Variants in ESR1 observed in about 807,000 individuals in gnomAD.
ESR1 encodes estrogen receptor.
Under a neutral mutation model 52.7 loss-of-function variants are expected in ESR1, and 12 were observed. The ratio of observed to expected loss-of-function variants is 0.23; its 90% CI spans 0.15 to 0.37. The LOEUF is 0.37. Among genes scored for constraint, ESR1 ranks in the 10% least tolerant of loss-of-function variants. The pLI is 1.00. For missense variants in ESR1, 584 were observed against 779.7 expected, an observed-to-expected ratio of 0.75 and a Z score of 2.99; for synonymous variants, 305 against 316.8, an observed-to-expected ratio of 0.96 and a Z score of 0.39.
At chr6:151,907,233 A>G (rs1463813291) in intron 3 of ESR1, among the ~76,000 whole-genome samples, 1 of 152,088 alleles carries the variant, frequency 6.6e-6, no homozygotes, top group Admixed American at 6.5e-5. Flanking sequence ...TTGCTTTCAA[A>G]TGAGTTTTTA....
At chr6:151,964,646 C>T (rs1562604514) in intron 4 of ESR1, among the ~76,000 whole-genome samples, 1 of 143,250 alleles carries the variant, frequency 7.0e-6, no homozygotes. Context: ...TATTTTCTTT[C>T]TTTTTTTTTT....
At chr6:152,119,961 A>G (rs1239183994) in intron 6 of ESR1, among the ~76,000 whole-genome samples, 1 of 152,164 alleles carries the variant, frequency 6.6e-6, no homozygotes, top group Non-Finnish European at 1.5e-5. Context: ...ATCTTCAAAA[A>G]TGTAATGGAA....
chr6:151,743,532 C>T (rs1322032718), intron 2 of ESR1, among the ~76,000 whole-genome samples: 1 of 152,156 alleles, frequency 6.6e-6, no homozygotes, highest in Non-Finnish European at 1.5e-5. Flanking sequence ...CCCTCTGACT[C>T]AGTAATTAGT....
chr6:151,827,330 G>GC, intron 1 of ESR1, among the ~76,000 whole-genome samples: 1 of 142,484 alleles, frequency 7.0e-6, no homozygotes, highest in East Asian at 2.0e-4. Context: ...GGGTGACAGA[G>GC]CGAGACCCTG....
intron 6 of ESR1, among the ~76,000 whole-genome samples, chr6:152,078,331 A>C (rs73618938): frequency 0.015 from 2,254 of 152,332 alleles, 52 homozygotes; most frequent in African/African-American, 0.048. Context: ...TATGGACTGC[A>C]AGTGCCTATG....
intron 3 of ESR1, among the ~76,000 whole-genome samples, chr6:151,939,459 C>A (rs2034780927): frequency 6.6e-6 from 1 of 152,180 alleles, no homozygotes. Flanking sequence ...TTTCAATTAT[C>A]CATGCCACTC....
intron 2 of ESR1, among the ~76,000 whole-genome samples, chr6:151,739,242 A>G (rs1211395361): frequency 6.6e-6 from 1 of 152,188 alleles, no homozygotes; most frequent in African/African-American, 2.4e-5. Flanking sequence ...CAGAGTTGCA[A>G]GGACCAAACG....
chr6:152,090,300 A>G (rs1424971152), intron 6 of ESR1, among the ~76,000 whole-genome samples: 1 of 152,152 alleles, frequency 6.6e-6, no homozygotes, highest in African/African-American at 2.4e-5. Context: ...TTAAATTGTG[A>G]CTTGAGGAAT....
chr6:152,117,433 G>A (rs556550194), intron 6 of ESR1, among the ~76,000 whole-genome samples: 4 of 152,332 alleles, frequency 2.6e-5, no homozygotes, highest in Admixed American at 2.0e-4. Flanking sequence ...CATCAAATCT[G>A]TGACGAGGCT....
At chr6:151,882,051 G>C (rs1025347989) in intron 3 of ESR1, among the ~76,000 whole-genome samples, 1 of 152,092 alleles carries the variant, frequency 6.6e-6, no homozygotes, top group Non-Finnish European at 1.5e-5. Context: ...GGTGAAGCTT[G>C]GGGTGATTTA....
rs373979288 is a variant in ESR1, at chr6:151,837,491, C to G, written c.453-5106C>G. Among the ~76,000 whole-genome samples, 15 of 152,268 alleles carry G rather than the reference C, an allele frequency of 9.9e-5. No individual in the cohort carries two copies. The East Asian group carries it at 2.7e-3, about 27-fold the overall frequency. On this transcript the variant is annotated intron_variant, in intron 1 of 7. Transcript: ENST00000206249. ...AACTAGATCAAGGCAGTTAAGCTTC[C>G]TATTTCCATAGATGCAGTGGTATTG...
intron 5 of ESR1, among the ~76,000 whole-genome samples, chr6:152,042,996 A>C (rs368064716): frequency 6.6e-6 from 1 of 152,194 alleles, no homozygotes; most frequent in East Asian, 1.9e-4. Flanking sequence ...GCATGCAGAG[A>C]AGAGCAATCA....
intron 1 of ESR1, chr6:151,813,375 A>G (rs552975593): frequency 6.6e-6 from 1 of 152,226 alleles, no homozygotes; most frequent in South Asian, 2.1e-4. Context: ...GGTGGTAATG[A>G]TCCATGATTT....
At chr6:151,782,987 T>C (rs1786693015) in intron 2 of ESR1, among the ~76,000 whole-genome samples, 2 of 152,182 alleles carry the variant, frequency 1.3e-5, no homozygotes, top group Admixed American at 1.3e-4. Flanking sequence ...TCTAATACCA[T>C]CACCTTAATG....
At chr6:151,955,468 G>A (rs943213124) in intron 4 of ESR1, among the ~76,000 whole-genome samples, 8 of 152,042 alleles carry the variant, frequency 5.3e-5, no homozygotes, top group African/African-American at 1.9e-4. Context: ...ACATTTCATA[G>A]CAAAAATAGG....
At chr6:151,946,796 A>G (rs1240842109) in intron 4 of ESR1, among the ~76,000 whole-genome samples, 1 of 152,230 alleles carries the variant, frequency 6.6e-6, no homozygotes, top group Non-Finnish European at 1.5e-5. Flanking sequence ...GATTTTAAAG[A>G]GACTAAAAGT....
At chr6:152,050,037 C>T (rs1219726058) in intron 5 of ESR1, among the ~76,000 whole-genome samples, 1 of 152,242 alleles carries the variant, frequency 6.6e-6, no homozygotes, top group Non-Finnish European at 1.5e-5. Flanking sequence ...AATCTATCCA[C>T]TGGGCACCAC....
At chr6:151,776,439 G>C (rs1785997715) in intron 2 of ESR1, among the ~76,000 whole-genome samples, 1 of 152,232 alleles carries the variant, frequency 6.6e-6, no homozygotes, top group Non-Finnish European at 1.5e-5. Context: ...GGCAGCTCAA[G>C]CCAGTTATGG....
chr6:152,087,432 A>G (rs1002841425), intron 6 of ESR1, among the ~76,000 whole-genome samples: 1 of 152,216 alleles, frequency 6.6e-6, no homozygotes, highest in South Asian at 2.1e-4. Context: ...TAGGACACCT[A>G]CTATAACAAT....
Sources: allele counts gnomAD v4.1 joint callset (sites outside exome capture counted in the v4.1 genomes callset), GRCh38; gene constraint gnomAD v4.1.1; transcripts MANE v1.5; gene names NCBI Gene and HGNC (gene_info 2026-07-23, HGNC 2026-07-21).